Variants in TAF4B observed in about 807,000 individuals in gnomAD.
TAF4B encodes TATA-box binding protein associated factor 4b.
TAF4B carries 38 observed loss-of-function variants against 86.4 expected under a neutral mutation model. The ratio of observed to expected loss-of-function variants is 0.44; its 90% CI spans 0.34 to 0.58. TAF4B has a LOEUF of 0.58. TAF4B is among the 20% of genes least tolerant of loss of function. TAF4B has a pLI of 0.02. For synonymous variants in TAF4B, 388 were observed against 391.2 expected (o/e 0.99, Z 0.10); for missense variants, 988 against 1,027.6 (o/e 0.96, Z 0.53).
chr18:26,231,034 C>CTTTTTTTTTTTTTTTTTTTTTTT (rs536863843), intron 1 of TAF4B, among the ~76,000 whole-genome samples: 4 of 66,164 alleles, frequency 6.0e-5, no homozygotes, highest in Non-Finnish European at 8.4e-5. Flanking sequence ...TGTTGTTTTG[C>CTTTTTTTTTTTTTTTTTTTTTTT]TTTTTTTTTT....
chr18:26,364,999 ATTCTT>A (rs2057361841), intron 14 of TAF4B, among the ~76,000 whole-genome samples: 1 of 125,760 alleles, frequency 8.0e-6, no homozygotes, highest in South Asian at 2.4e-4. Context: ...CTATAATTCT[ATTCTT>A]TTTTTTTTTT....
intron 5 of TAF4B, among the ~76,000 whole-genome samples, chr18:26,280,090 G>A (rs1378058486): frequency 6.6e-6 from 1 of 151,638 alleles, no homozygotes; most frequent in East Asian, 1.9e-4. Context: ...TATACATGGT[G>A]CTGGGATAAC....
At chr18:26,309,647 ATT>A (rs1469414029) in intron 9 of TAF4B, among the ~76,000 whole-genome samples, 2 of 152,036 alleles carry the variant, frequency 1.3e-5, no homozygotes, top group African/African-American at 4.8e-5. Context: ...GGTAATATAT[ATT>A]TCTTATTTTT....
intron 12 of TAF4B, among the ~76,000 whole-genome samples, chr18:26,332,244 C>A (rs2057055952): frequency 6.6e-6 from 1 of 152,206 alleles, no homozygotes. Flanking sequence ...CAAATCTGAT[C>A]AACTTTACCT....
chr18:26,295,631 C>T (rs945449419), intron 9 of TAF4B, among the ~76,000 whole-genome samples: 2 of 152,174 alleles, frequency 1.3e-5, no homozygotes, highest in African/African-American at 2.4e-5. Flanking sequence ...GGACTGCTAC[C>T]GGTACATGGC....
At chr18:26,385,877 G>T (rs1344228793) in intron 14 of TAF4B, among the ~76,000 whole-genome samples, 2 of 152,006 alleles carry the variant, frequency 1.3e-5, no homozygotes, top group African/African-American at 4.8e-5. Flanking sequence ...AGTTACCTGT[G>T]CACTCTCTAC....
At chr18:26,301,433 T>C (rs1011666865) in intron 9 of TAF4B, among the ~76,000 whole-genome samples, 2 of 152,010 alleles carry the variant, frequency 1.3e-5, no homozygotes, top group African/African-American at 4.8e-5. Flanking sequence ...ACTACAGGCA[T>C]GTGCCACTAT....
At chr18:26,305,743 A>G (rs1159137418) in intron 9 of TAF4B, among the ~76,000 whole-genome samples, 1 of 152,188 alleles carries the variant, frequency 6.6e-6, no homozygotes, top group East Asian at 1.9e-4. Flanking sequence ...TATCTAGCCC[A>G]TAGTTAAAGT....
At position 26,391,443 on chromosome 18, in the gene TAF4B, T is replaced by C. The variant is rs1049639473; in HGVS notation, c.*1431T>C. On this transcript the variant is annotated 3_prime_UTR_variant, in exon 15 of 15. Transcript: ENST00000269142. ...ACTGTTATGGCCATATTCTACAGTA[T>C]AGTAAATTTTAAATTGGCCACATTT... 1.4e-4 allele frequency: 21 copies of C among 152,122 alleles called. No homozygotes were observed. The highest frequency in any genetic ancestry group is 4.8e-4 in the African/African-American group (20 of 41,544). The allele number at this position is 152,122 out of a possible 1,614,324, so 9.4% of individuals were successfully genotyped here.
chr18:26,326,712 T>A (rs1242300209), intron 11 of TAF4B, among the ~76,000 whole-genome samples: 1 of 152,168 alleles, frequency 6.6e-6, no homozygotes, highest in East Asian at 1.9e-4. Flanking sequence ...CTCCTTCCTA[T>A]TGTTGGAAGG....
In TAF4B at chr18:26,227,239, G is replaced by A. The variant is rs374723586; in HGVS notation, c.306G>A (p.Thr102=). ...QIVAVKAPNT[T]TIQFPANLQL... ...TCGCCGTGAAAGCCCCCAACACCAC[G>A]ACAATCCAGTTTCCTGCTAATTTGC... The change falls in exon 1 of 15, where the codon ACG becomes ACA. Residue 102 remains threonine, a synonymous_variant. Transcript: ENST00000269142. 5.6e-6 allele frequency: 9 copies of A among 1,613,338 alleles called. No individual in the cohort carries two copies. The highest frequency in any genetic ancestry group is 7.6e-6 in the Non-Finnish European group (9 of 1,179,746).
chr18:26,240,031 A>G (rs927771510), intron 1 of TAF4B, among the ~76,000 whole-genome samples: 13 of 152,166 alleles, frequency 8.5e-5, no homozygotes, highest in Admixed American at 7.2e-4. Context: ...TGATGCCTCC[A>G]GCTTTGTTCT....
chr18:26,251,056 A>G (rs1390968909), intron 1 of TAF4B, among the ~76,000 whole-genome samples: 2 of 152,228 alleles, frequency 1.3e-5, no homozygotes, highest in Non-Finnish European at 2.9e-5. Flanking sequence ...TTTGGCCTCT[A>G]GTGCCTGAGG....
At chr18:26,351,291 T>G (rs977105446) in intron 13 of TAF4B, among the ~76,000 whole-genome samples, 5 of 152,148 alleles carry the variant, frequency 3.3e-5, no homozygotes, top group Non-Finnish European at 7.4e-5. Context: ...CTGTTTTCAC[T>G]GATCTGTGAA....
At chr18:26,309,158 A>G (rs1056010797) in intron 9 of TAF4B, among the ~76,000 whole-genome samples, 3 of 150,912 alleles carry the variant, frequency 2.0e-5, no homozygotes, top group African/African-American at 4.9e-5. Flanking sequence ...TTTAGGAACT[A>G]TAAGTATATA....
intron 1 of TAF4B, among the ~76,000 whole-genome samples, chr18:26,263,776 C>T (rs1310305324): frequency 2.0e-5 from 3 of 151,240 alleles, no homozygotes; most frequent in Non-Finnish European, 3.0e-5. Flanking sequence ...AGTGTAGATG[C>T]GATCATAGCT....
Position 26,267,453 on chromosome 18 carries a change from G to A in TAF4B, c.490-63G>A, listed in dbSNP as rs564946151. ...ATAAAGTGTTCTAATGTTCACTGCA[G>A]TACTGATCTTAAATTACTAACGCTA... On this transcript the variant is annotated intron_variant, in intron 2 of 14. Transcript: ENST00000269142. The A allele has an allele frequency of 5.7e-5, 62 of 1,087,198 alleles. 1 individual carries two copies. The Middle Eastern group carries it at 1.8e-3, about 31-fold the overall frequency. 67.3% of individuals were successfully genotyped at this position (1,087,198 alleles called of 1,614,324 possible).
intron 3 of TAF4B, among the ~76,000 whole-genome samples, chr18:26,273,322 A>G (rs530804047): frequency 1.3e-5 from 2 of 152,152 alleles, no homozygotes; most frequent in Non-Finnish European, 2.9e-5. Context: ...TTTTGTTTCA[A>G]ATGTATTAGC....
chr18:26,305,251 G>C (rs1325551273), intron 9 of TAF4B, among the ~76,000 whole-genome samples: 1 of 152,038 alleles, frequency 6.6e-6, no homozygotes, highest in East Asian at 1.9e-4. Context: ...GTAAATGTGT[G>C]AGGCAGAGAT....
Sources: allele counts gnomAD v4.1 joint callset (sites outside exome capture counted in the v4.1 genomes callset), GRCh38; gene constraint gnomAD v4.1.1; transcripts MANE v1.5; gene names NCBI Gene and HGNC (gene_info 2026-07-23, HGNC 2026-07-21).